Variants in PLCG2 observed in about 807,000 individuals in gnomAD.
The protein encoded by PLCG2 is phospholipase C gamma 2.
In PLCG2, 69 loss-of-function variants were observed where a neutral mutation model predicts 175.6. The observed-to-expected ratio is 0.39, with a 90% CI of 0.32 to 0.48. PLCG2 has a LOEUF of 0.48. PLCG2 is among the 20% of genes least tolerant of loss of function. The pLI is 0.91. For synonymous variants in PLCG2, 827 were observed against 624.0 expected, an observed-to-expected ratio of 1.33 and a Z score of -4.85; for missense variants, 1,798 against 1,650.9, an observed-to-expected ratio of 1.09 and a Z score of -1.54.
At chr16:81,788,910 A>G (rs867787924) in intron 2 of PLCG2, among the ~76,000 whole-genome samples, 3 of 152,138 alleles carry the variant, frequency 2.0e-5, no homozygotes, top group Admixed American at 1.3e-4. Context: ...ACAAGGGGTG[A>G]GAGGGTTGGC....
intron 5 of PLCG2, among the ~76,000 whole-genome samples, chr16:81,859,701 A>G (rs1906868962): frequency 6.6e-6 from 1 of 151,666 alleles, no homozygotes; most frequent in African/African-American, 2.4e-5. Context: ...TGCCCGGCTA[A>G]TTTTTTTTGT....
At chr16:81,858,860 T>TG (rs1906819671) in intron 4 of PLCG2, among the ~76,000 whole-genome samples, 2 of 168 alleles carry the variant, frequency 0.012, no homozygotes, top group Non-Finnish European at 0.022. Flanking sequence ...TCTAGCTTTT[T>TG]GGGGATTAAA....
intron 7 of PLCG2, among the ~76,000 whole-genome samples, chr16:81,875,205 C>G (rs561051161): frequency 1.1e-4 from 16 of 152,140 alleles, no homozygotes; most frequent in African/African-American, 3.6e-4. Flanking sequence ...CTCAGGTGAT[C>G]CTCCCGCCTT....
At chr16:81,751,790 G>A (rs1238217460) in intron 1 of PLCG2, among the ~76,000 whole-genome samples, 1 of 152,102 alleles carries the variant, frequency 6.6e-6, no homozygotes, top group Non-Finnish European at 1.5e-5. Flanking sequence ...GGGAAGTCAC[G>A]GTGGGTGGAT....
chr16:81,747,284 C>G (rs989826158), intron 1 of PLCG2, among the ~76,000 whole-genome samples: 1 of 152,134 alleles, frequency 6.6e-6, no homozygotes, highest in Non-Finnish European at 1.5e-5. Flanking sequence ...CCTGTAAGCC[C>G]AGCACTTTGG....
At chr16:81,849,899 G>T (rs923105848) in intron 2 of PLCG2, among the ~76,000 whole-genome samples, 2 of 152,108 alleles carry the variant, frequency 1.3e-5, no homozygotes, top group African/African-American at 4.8e-5. Context: ...GACTTTCACT[G>T]GCAGTCAACT....
chr16:81,805,242 G>C (rs1911941529), intron 2 of PLCG2, among the ~76,000 whole-genome samples: 2 of 152,140 alleles, frequency 1.3e-5, no homozygotes, highest in South Asian at 4.1e-4. Context: ...GCTCATGCCT[G>C]TAATCCCAGC....
At chr16:81,901,160 C>A (rs1381872496) in intron 14 of PLCG2, among the ~76,000 whole-genome samples, 1 of 152,214 alleles carries the variant, frequency 6.6e-6, no homozygotes, top group African/African-American at 2.4e-5. Flanking sequence ...GAGACAGCCC[C>A]ATGCGAGGTG....
intron 14 of PLCG2, among the ~76,000 whole-genome samples, chr16:81,902,268 C>G (rs1258476020): frequency 6.6e-6 from 1 of 152,158 alleles, no homozygotes; most frequent in Non-Finnish European, 1.5e-5. Flanking sequence ...CAGCTGTTTC[C>G]TAGGTATTTC....
At chr16:81,845,574 C>G (rs920886899) in intron 2 of PLCG2, among the ~76,000 whole-genome samples, 3 of 152,224 alleles carry the variant, frequency 2.0e-5, no homozygotes, top group Admixed American at 6.5e-5. Flanking sequence ...CTCCTCATGA[C>G]TTGGATAGCT....
At chr16:81,952,201 T>C (rs749173611) in intron 31 of PLCG2, among the ~76,000 whole-genome samples, 4 of 152,080 alleles carry the variant, frequency 2.6e-5, no homozygotes, top group Non-Finnish European at 5.9e-5. Context: ...ATACCAACCC[T>C]TCCAAAATTA....
In PLCG2 at chr16:81,930,452, T is replaced by G. The variant is rs148179883; in HGVS notation, c.2582-1045T>G. Among the ~76,000 whole-genome samples the G allele has an allele frequency of 2.8e-4, 42 of 152,214 alleles. 1 individual carries two copies. The highest frequency in any genetic ancestry group is 9.9e-4 in the African/African-American group (41 of 41,538). On this transcript the variant is annotated intron_variant, in intron 24 of 32. Coordinates refer to ENST00000564138, the MANE Select transcript of PLCG2 (RefSeq NM_002661.5). The stretch of plus-strand genomic sequence containing the variant: ...CTTTCTCCCTTGTGTCTGCATCTGT[T>G]TTTAAAGCCATTTAGCTGGGTGTGG...
intron 2 of PLCG2, among the ~76,000 whole-genome samples, chr16:81,761,778 G>A (rs925281453): frequency 2.0e-5 from 3 of 151,616 alleles, no homozygotes; most frequent in Admixed American, 6.6e-5. Flanking sequence ...AAGTAAAAAG[G>A]GTTGTATAGC....
chr16:81,850,818 T>C (rs1906369117), intron 2 of PLCG2, among the ~76,000 whole-genome samples: 1 of 152,212 alleles, frequency 6.6e-6, no homozygotes, highest in Non-Finnish European at 1.5e-5. Context: ...AGTATTATAA[T>C]GCAGCCAAGG....
chr16:81,913,550 GCCA>G (rs1478170456), intron 19 of PLCG2, among the ~76,000 whole-genome samples: 42 of 152,342 alleles, frequency 2.8e-4, no homozygotes, highest in South Asian at 1.0e-3. Flanking sequence ...AGAGTCTCTA[GCCA>G]GAGGCCTGGG....
intron 22 of PLCG2, among the ~76,000 whole-genome samples, chr16:81,925,102 A>G (rs1453194120): frequency 2.6e-5 from 4 of 152,212 alleles, no homozygotes; most frequent in Admixed American, 6.5e-5. Flanking sequence ...AGATGGCCTC[A>G]TGCCTTTCTA....
chr16:81,846,399 C>G (rs1364564197), intron 2 of PLCG2, among the ~76,000 whole-genome samples: 2 of 152,210 alleles, frequency 1.3e-5, no homozygotes, highest in African/African-American at 4.8e-5. Flanking sequence ...CTGCACTCTC[C>G]CAGTAAACAC....
intron 2 of PLCG2, among the ~76,000 whole-genome samples, chr16:81,800,271 C>A (rs759755113): frequency 6.6e-6 from 1 of 152,130 alleles, no homozygotes; most frequent in Non-Finnish European, 1.5e-5. Context: ...CATAGGTAAG[C>A]GTTTGCCATC....
intron 22 of PLCG2, among the ~76,000 whole-genome samples, chr16:81,925,236 G>T (rs1910214073): frequency 6.6e-6 from 1 of 152,196 alleles, no homozygotes; most frequent in African/African-American, 2.4e-5. Context: ...CTCTCTGATG[G>T]CAGTAGTGCT....
Sources: gnomAD v4.1 joint callset for allele counts (sites outside exome capture counted in the v4.1 genomes callset) on GRCh38, gnomAD v4.1.1 for gene constraint, MANE v1.5 for transcripts, NCBI Gene and HGNC (gene_info 2026-07-23, HGNC 2026-07-21) for gene names.